LOXL2: variants seen among roughly 807,000 people sequenced by gnomAD.
LOXL2 encodes the protein lysyl oxidase like 2, also known as lysyl oxidase homolog 2.
LOXL2 carries 70 observed loss-of-function variants against 93.0 expected under a neutral mutation model. The ratio of observed to expected loss-of-function variants is 0.75; its 90% CI spans 0.62 to 0.92. The LOEUF is 0.92. Among genes scored for constraint, LOXL2 ranks in the 40% least tolerant of loss-of-function variants. The probability of loss-of-function intolerance (pLI) is 0.00; values close to 1 mark genes in which losing one functional copy is unlikely to be tolerated. For synonymous variants in LOXL2, 438 were observed against 413.2 expected (o/e 1.06, Z -0.73); for missense variants, 973 against 1,054.9 (o/e 0.92, Z 1.08).
intron 12 of LOXL2, among the ~76,000 whole-genome samples, chr8:23,299,610 G>A (rs1803094362): frequency 6.6e-6 from 1 of 152,190 alleles, no homozygotes; most frequent in Non-Finnish European, 1.5e-5. Flanking sequence ...CAGAAAAGGG[G>A]AGGTTTACGG....
chr8:23,335,347 G>T (rs549683455), intron 4 of LOXL2, among the ~76,000 whole-genome samples: 1 of 152,162 alleles, frequency 6.6e-6, no homozygotes, highest in Non-Finnish European at 1.5e-5. Context: ...ATAGGCATGC[G>T]TCAGTGCCTG....
At chr8:23,340,779 G>A (rs2117180761) in intron 4 of LOXL2, among the ~76,000 whole-genome samples, 1 of 152,302 alleles carries the variant, frequency 6.6e-6, no homozygotes, top group Middle Eastern at 3.4e-3. Flanking sequence ...ATCTCCTGTA[G>A]ATGTGTGAGT....
chr8:23,309,857 T>G lies in LOXL2; in HGVS notation c.1691A>C (p.Glu564Ala). The stretch of plus-strand genomic sequence containing the variant: ...CTGCAGCATGAACATGGGCCGGTCC[T>G]CCAGGTAGGTGGTCTGCTGCACCAT... ...AEMVQQTTYL[E>A]DRPMFMLQCA... The change falls in exon 10 of 14, where the codon GAG becomes GCG. Residue 564 changes from glutamate to alanine, a missense_variant. Physicochemically the swap from Glu to Ala is moderately radical, Grantham distance 107. Coordinates refer to ENST00000389131, the MANE Select transcript of LOXL2 (RefSeq NM_002318.3). 2 of 1,587,136 alleles carry G rather than the reference T, an allele frequency of 1.3e-6. No homozygotes were observed. The highest frequency in any genetic ancestry group is 1.7e-6 in the Non-Finnish European group (2 of 1,165,340).
intron 3 of LOXL2, among the ~76,000 whole-genome samples, chr8:23,353,790 C>T (rs1382950443): frequency 6.6e-6 from 1 of 152,188 alleles, no homozygotes; most frequent in African/African-American, 2.4e-5. Context: ...GATGAATGCA[C>T]ACTATGTCAT....
Position 23,309,872 on chromosome 8 carries a change from T to G in LOXL2, c.1676A>C (p.Gln559Pro), listed in dbSNP as rs1468913180. The G allele has an allele frequency of 1.9e-6, 3 of 1,570,804 alleles. No homozygotes were observed. The highest frequency in any genetic ancestry group is 2.7e-5 in the African/African-American group (2 of 73,338). The change falls in exon 10 of 14, where the codon CAG becomes CCG. Residue 559 changes from glutamine (Q) to proline (P), a missense_variant. By Grantham distance (76) the Gln-to-Pro change is moderately conservative. Transcript: ENST00000389131. ...GGGCCGGTCCTCCAGGTAGGTGGTC[T>G]GCTGCACCATCTCCGCATTGAGGAC... Reference protein sequence around the residue: ...DLVLNAEMVQQTTYLEDRPMF... With the variant: ...DLVLNAEMVQPTTYLEDRPMF...
chr8:23,370,376 C>T (rs540063581), intron 1 of LOXL2, among the ~76,000 whole-genome samples: 1 of 152,180 alleles, frequency 6.6e-6, no homozygotes, highest in East Asian at 1.9e-4. Flanking sequence ...TGGTGCTTTA[C>T]ATTGTTGTCA....
intron 6 of LOXL2, among the ~76,000 whole-genome samples, chr8:23,327,506 T>C (rs7009461): frequency 0.7 from 106,346 of 151,932 alleles, 37,721 homozygotes; most frequent in Middle Eastern, 0.76. Context: ...GCTTCCTACC[T>C]ATCCCTTCCC....
intron 1 of LOXL2, among the ~76,000 whole-genome samples, chr8:23,369,375 C>T (rs144674241): frequency 6.6e-6 from 1 of 152,252 alleles, no homozygotes; most frequent in African/African-American, 2.4e-5. Context: ...AAGGAGCACA[C>T]GTGTGTCTTG....
chr8:23,338,273 G>C (rs1297829583), intron 4 of LOXL2, among the ~76,000 whole-genome samples: 1 of 151,846 alleles, frequency 6.6e-6, no homozygotes, highest in Non-Finnish European at 1.5e-5. Flanking sequence ...ATTTGGGTGG[G>C]GACACAGCCA....
At chr8:23,346,623 A>C (rs1563197627) in intron 3 of LOXL2, among the ~76,000 whole-genome samples, 1 of 152,240 alleles carries the variant, frequency 6.6e-6, no homozygotes, top group Non-Finnish European at 1.5e-5. Context: ...CCAATGAGGA[A>C]AAATCACCCA....
intron 3 of LOXL2, among the ~76,000 whole-genome samples, chr8:23,351,774 G>A (rs1468471618): frequency 2.6e-5 from 4 of 152,156 alleles, no homozygotes; most frequent in Non-Finnish European, 5.9e-5. Context: ...CCTTTTGGTA[G>A]CTGGCAAGCC....
At chr8:23,332,423 C>A (rs1803703655) in intron 5 of LOXL2, among the ~76,000 whole-genome samples, 4 of 142,130 alleles carry the variant, frequency 2.8e-5, no homozygotes, top group Admixed American at 2.8e-4. Context: ...GCCACACACC[C>A]ACAAACACAC....
At chr8:23,375,397 T>C (rs889966323) in intron 1 of LOXL2, among the ~76,000 whole-genome samples, 6 of 152,140 alleles carry the variant, frequency 3.9e-5, no homozygotes, top group African/African-American at 1.4e-4. Flanking sequence ...CCAGCTTTGT[T>C]CTTTTGGCTT....
intron 2 of LOXL2, among the ~76,000 whole-genome samples, chr8:23,361,901 G>T (rs1224568736): frequency 3.3e-5 from 5 of 152,148 alleles, no homozygotes; most frequent in Non-Finnish European, 7.3e-5. Flanking sequence ...GCTGGCAAGG[G>T]TATGGAAACT....
At position 23,371,679 on chromosome 8, in the gene LOXL2, G is replaced by C. The variant is rs528096291; in HGVS notation, c.-83-3245C>G. Among the ~76,000 whole-genome samples, 6 of 139,866 alleles carry C rather than the reference G, an allele frequency of 4.3e-5. No individual in the cohort carries two copies. The South Asian group carries it at 9.3e-4, about 22-fold the overall frequency. 91.8% of individuals were successfully genotyped at this position (139,866 alleles called of 152,430 possible). A position where few individuals can be genotyped will look rare whatever the true frequency, so the allele number is the denominator to read the frequency against. On this transcript the variant is annotated intron_variant, in intron 1 of 13. Coordinates refer to ENST00000389131, the MANE Select transcript of LOXL2 (RefSeq NM_002318.3). ...AGGCAGGAGAATGGCGTGAACCCAG[G>C]AGGTGGAGGTTGCAGTGAGCCGAGG...
chr8:23,332,641 A>C (rs1803714136), intron 5 of LOXL2, among the ~76,000 whole-genome samples: 1 of 88,802 alleles, frequency 1.1e-5, no homozygotes, highest in Non-Finnish European at 2.1e-5. Flanking sequence ...ATACACACCC[A>C]CACTCACACG....
intron 6 of LOXL2, among the ~76,000 whole-genome samples, chr8:23,324,252 C>T (rs1044542945): frequency 6.6e-6 from 1 of 152,070 alleles, no homozygotes; most frequent in African/African-American, 2.4e-5. Context: ...GCTGTCTCAG[C>T]CATCTGGGGT....
At chr8:23,302,454 C>A (rs946064224) in intron 11 of LOXL2, among the ~76,000 whole-genome samples, 9 of 152,174 alleles carry the variant, frequency 5.9e-5, no homozygotes, top group Non-Finnish European at 1.3e-4. Context: ...GGGATAACTG[C>A]GTGTGTGTGG....
intron 3 of LOXL2, among the ~76,000 whole-genome samples, chr8:23,348,431 C>T (rs7464842): frequency 0.032 from 4,482 of 142,028 alleles, 188 homozygotes; most frequent in African/African-American, 0.12. Context: ...TAGCTGGGCA[C>T]GGTGGCACCT....
Sources: allele counts gnomAD v4.1 joint callset (sites outside exome capture counted in the v4.1 genomes callset), GRCh38; gene constraint gnomAD v4.1.1; transcripts MANE v1.5; gene names NCBI Gene and HGNC (gene_info 2026-07-23, HGNC 2026-07-21).